Variants in LIMS2 observed in about 807,000 individuals in gnomAD.
LIMS2 encodes LIM zinc finger domain containing 2.
In LIMS2, 30 loss-of-function variants were observed where a neutral mutation model predicts 45.3. That is an observed-to-expected ratio of 0.66 (90% CI 0.50 to 0.90). The LOEUF (loss-of-function observed/expected upper bound fraction) is 0.90. LIMS2 is among the 40% of genes least tolerant of loss of function. LIMS2 has a pLI of 0.00. For synonymous variants in LIMS2, 173 were observed against 188.0 expected, an observed-to-expected ratio of 0.92 and a Z score of 0.65; for missense variants, 485 against 468.7, an observed-to-expected ratio of 1.03 and a Z score of -0.32.
chr2:127,652,331 A>G (rs1047760), intron 4 of LIMS2: 65,914 of 172,542 alleles, frequency 0.38, 15,231 homozygotes, highest in East Asian at 0.64. Context: ...CACGGCCTGC[A>G]GGGACTCAGC....
intron 1 of LIMS2, among the ~76,000 whole-genome samples, chr2:127,661,271 T>A (rs539480327): frequency 2.6e-5 from 4 of 152,278 alleles, no homozygotes; most frequent in South Asian, 2.1e-4. Context: ...TGTAAAGAGG[T>A]GCACCAGAGA....
chr2:127,647,346 C>G lies in LIMS2; in HGVS notation c.360-4274G>C, dbSNP rs895313055. On this transcript the variant is annotated intron_variant, in intron 4 of 9. Transcript: ENST00000355119. This position sits in a 1 kb window ranked among gnomAD's most constrained non-coding sequence, Gnocchi z 4.3. ...CTTCCAGGGAGTGAGACCGTTTCCC[C>G]GGTCTCACTTCCAGCTCCAGGGCCA... is the stretch of plus-strand genomic sequence containing the variant. Among the ~76,000 whole-genome samples the G allele has an allele frequency of 6.6e-6, 1 of 152,150 alleles. No individual in the cohort carries two copies. The highest frequency in any genetic ancestry group is 6.5e-5 in the Admixed American group (1 of 15,290).
Position 127,664,151 on chromosome 2 carries a change from G to A in LIMS2, c.12-6589C>T, listed in dbSNP as rs977147389. Among the ~76,000 whole-genome samples the A allele has an allele frequency of 6.6e-6, 1 of 152,018 alleles. No individual in the cohort carries two copies. Among genetic ancestry groups the A allele is most frequent in the Non-Finnish European group, 1.5e-5 (1 of 67,972 alleles). The stretch of plus-strand genomic sequence containing the variant: ...CCAACCCTGTTAGATAAAGTCGCAC[G>A]CGCCCACCCTGTCGCCAACCCAGGG... On this transcript the variant is annotated intron_variant, in intron 1 of 9. Coordinates refer to ENST00000355119, the MANE Select transcript of LIMS2 (RefSeq NM_001161403.3). This position sits in a 1 kb window ranked among gnomAD's most constrained non-coding sequence, Gnocchi z 5.5.
At chr2:127,673,172 C>T (rs183314691) in intron 1 of LIMS2, among the ~76,000 whole-genome samples, 1 of 152,222 alleles carries the variant, frequency 6.6e-6, no homozygotes, top group South Asian at 2.1e-4. Context: ...GGGTGCATTA[C>T]ACTCAGATCG....
At chr2:127,674,775 C>T in intron 1 of LIMS2, 3 of 985,398 alleles carry the variant, frequency 3.0e-6, no homozygotes, top group Non-Finnish European at 3.6e-6. Flanking sequence ...CATCTTGCAG[C>T]GGGCGGGTGG....
chr2:127,674,064 C>CT (rs913652508), intron 1 of LIMS2: 4 of 346,468 alleles, frequency 1.2e-5, no homozygotes, highest in African/African-American at 8.4e-5. Context: ...AGGCCACAGC[C>CT]TTAATGGCGA....
chr2:127,677,329 CAAATAAAT>C (rs747191572), upstream of LIMS2, among the ~76,000 whole-genome samples: 1 of 152,092 alleles, frequency 6.6e-6, no homozygotes, highest in Non-Finnish European at 1.5e-5. The surrounding 1 kb of genome is among the most constrained non-coding windows in gnomAD (Gnocchi z 5.0). Flanking sequence ...GGGCAATAAA[CAAATAAAT>C]AAATACGCAA....
Position 127,642,624 on chromosome 2 carries a change from G to T in LIMS2, c.509+299C>A. ...CCCGGTCTCTTGCCCTGCCCCCTCA[G>T]GTCCCTTCCACTGCTCCATCTCAAC... is the stretch of plus-strand genomic sequence containing the variant. On this transcript the variant is annotated intron_variant, in intron 5 of 9. Coordinates refer to ENST00000355119, the MANE Select transcript of LIMS2 (RefSeq NM_001161403.3). This position sits in a 1 kb window ranked among gnomAD's most constrained non-coding sequence, Gnocchi z 5.3. 2.3e-6 allele frequency: 1 copy of T among 432,736 alleles called. No individual in the cohort carries two copies. The highest frequency in any genetic ancestry group is 4.2e-6 in the Non-Finnish European group (1 of 239,442). The allele number at this position is 432,736 out of a possible 1,614,324, so 26.8% of individuals were successfully genotyped here.
At chr2:127,650,024 A>T (rs1391179625) in intron 4 of LIMS2, 2 of 1,608,808 alleles carry the variant, frequency 1.2e-6, no homozygotes, top group East Asian at 4.5e-5. Context: ...GTCCAAACGG[A>T]GTTGGTGGGC....
chr2:127,662,622 G>A (rs1328555852), intron 1 of LIMS2, among the ~76,000 whole-genome samples: 3 of 116,818 alleles, frequency 2.6e-5, no homozygotes, highest in Non-Finnish European at 5.2e-5. Context: ...CACACCAGAG[G>A]CTCTTGTGGG....
Position 127,655,435 on chromosome 2 carries a change from C to T in LIMS2, c.172-539G>A, listed in dbSNP as rs145506926. ...ACACCCTCCAGGCGGCAGCTGCCAG[C>T]GAGGGCCCCTGTGCTGGCCACAAGC... On this transcript the variant is annotated intron_variant, in intron 2 of 9. Coordinates refer to ENST00000355119, the MANE Select transcript of LIMS2 (RefSeq NM_001161403.3). 2.5e-3 allele frequency: 406 copies of T among 162,682 alleles called. 1 individual carries two copies. Among genetic ancestry groups the T allele is most frequent in the African/African-American group, 9.2e-3 (385 of 41,708 alleles). 10.1% of individuals were successfully genotyped at this position (162,682 alleles called of 1,614,324 possible). A position where few individuals can be genotyped will look rare whatever the true frequency, so the allele number is the denominator to read the frequency against.
rs1182711154 is a variant in LIMS2 at position 127,657,647 on chromosome 2, C to T, written c.12-85G>A. 5.8e-6 allele frequency: 8 copies of T among 1,369,208 alleles called. No individual in the cohort carries two copies. The Admixed American group carries it at 1.6e-4, about 27-fold the overall frequency. 84.8% of individuals were successfully genotyped at this position (1,369,208 alleles called of 1,614,324 possible). On this transcript the variant is annotated intron_variant, in intron 1 of 9. Transcript: ENST00000355119. The stretch of plus-strand genomic sequence containing the variant: ...CGCGGGGGCCTGCGCCCGACAGACA[C>T]ACCTCGTATTAAAAAGTGAAGACGC...
chr2:127,650,771 C>T, intron 4 of LIMS2: 1 of 1,613,808 alleles, frequency 6.2e-7, no homozygotes, highest in Non-Finnish European at 8.5e-7. Context: ...CAGGTCTGAT[C>T]ACCAACTTCT....
At chr2:127,640,230 G>A (rs1273314520) in intron 8 of LIMS2, 40 bp downstream of exon 8, 2 of 1,612,782 alleles carry the variant, frequency 1.2e-6, no homozygotes, top group African/African-American at 1.3e-5. Flanking sequence ...CCAGGCCCCA[G>A]GAGAGCAGGT....
intron 1 of LIMS2, among the ~76,000 whole-genome samples, chr2:127,669,739 CAT>C (rs548606315): frequency 6.1e-4 from 93 of 152,020 alleles, no homozygotes; most frequent in African/African-American, 2.1e-3. Context: ...ATTTGCAAAT[CAT>C]ATGTCTGAGA....
chr2:127,679,643 G>A (rs1168634226), upstream of LIMS2, among the ~76,000 whole-genome samples: 1 of 152,154 alleles, frequency 6.6e-6, no homozygotes, highest in Non-Finnish European at 1.5e-5. This position sits in a 1 kb window ranked among gnomAD's most constrained non-coding sequence, Gnocchi z 5.3. Context: ...CCAGGGGACA[G>A]CTACCTGAGA....
Position 127,664,298 on chromosome 2 carries a change from C to T in LIMS2, c.12-6736G>A. The T allele has an allele frequency of 1.6e-6, 2 of 1,236,054 alleles. No homozygotes were observed. Among genetic ancestry groups the T allele is most frequent in the South Asian group, 3.6e-5 (1 of 27,548 alleles). The allele number at this position is 1,236,054 out of a possible 1,614,324, so 76.6% of individuals were successfully genotyped here. A position where few individuals can be genotyped will look rare whatever the true frequency, so the allele number is the denominator to read the frequency against. On this transcript the variant is annotated intron_variant, in intron 1 of 9. Coordinates refer to ENST00000355119, the MANE Select transcript of LIMS2 (RefSeq NM_001161403.3). This position sits in a 1 kb window ranked among gnomAD's most constrained non-coding sequence, Gnocchi z 5.5. ...TCCCCGCCACCCGCCCCGCCCCTGG[C>T]CACCTACCCCGTGGCTGGCGGCGGG...
Position 127,675,127 on chromosome 2 carries a change from G to T in LIMS2, c.-103C>A. The T allele has an allele frequency of 8.9e-7, 1 of 1,123,494 alleles. No individual in the cohort carries two copies. Among genetic ancestry groups the T allele is most frequent in the Non-Finnish European group, 1.1e-6 (1 of 893,810 alleles). The allele number at this position is 1,123,494 out of a possible 1,614,324, so 69.6% of individuals were successfully genotyped here. A position where few individuals can be genotyped will look rare whatever the true frequency, so the allele number is the denominator to read the frequency against. ...CCCGCCCGCCAGCCCGGGCCGCGGA[G>T]CAGGGAGACGCCCAAAAAAGGCCAA... On this transcript the variant is annotated 5_prime_UTR_variant, in exon 1 of 10. Coordinates refer to ENST00000355119, the MANE Select transcript of LIMS2 (RefSeq NM_001161403.3).
chr2:127,651,621 A>G, intron 4 of LIMS2: 2 of 1,613,512 alleles, frequency 1.2e-6, no homozygotes, highest in East Asian at 2.2e-5. Flanking sequence ...CGACCCCATC[A>G]TGTATTTCTT....
Sources: allele counts gnomAD v4.1 joint callset (sites outside exome capture counted in the v4.1 genomes callset), GRCh38; gene constraint gnomAD v4.1.1; non-coding constraint Gnocchi (gnomAD v3.1); transcripts MANE v1.5; gene names NCBI Gene and HGNC (gene_info 2026-07-23, HGNC 2026-07-21).